The following SOS1 variants were observed in gnomAD, a reference collection of about 807,000 sequenced individuals.
SOS1 encodes the protein son of sevenless homolog 1.
Under a neutral mutation model 157.6 loss-of-function variants are expected in SOS1, and 25 were observed. The ratio of observed to expected loss-of-function variants is 0.16; its 90% CI spans 0.12 to 0.22. The LOEUF (loss-of-function observed/expected upper bound fraction) is 0.22. Ranked by LOEUF, SOS1 falls within the 10% of genes least tolerant of loss-of-function variation. SOS1 has a pLI of 1.00. For synonymous variants in SOS1, 528 were observed against 534.0 expected (o/e 0.99, Z 0.16); for missense variants, 1,237 against 1,599.1 (o/e 0.77, Z 3.86).
At chr2:39,107,107 G>T (rs1214587879) in intron 1 of SOS1, among the ~76,000 whole-genome samples, 2 of 151,618 alleles carry the variant, frequency 1.3e-5, no homozygotes, top group African/African-American at 4.9e-5. Flanking sequence ...AAATACAGGG[G>T]TTTTTTGGGA....
At chr2:39,053,840 T>C (rs1029674232) in intron 5 of SOS1, among the ~76,000 whole-genome samples, 6 of 152,188 alleles carry the variant, frequency 3.9e-5, no homozygotes, top group African/African-American at 9.7e-5. Context: ...ACTGCTGTCA[T>C]ACTTCTAATA....
At chr2:39,118,534 AG>A (rs1423917448) in intron 1 of SOS1, among the ~76,000 whole-genome samples, 3 of 152,220 alleles carry the variant, frequency 2.0e-5, no homozygotes, top group Admixed American at 1.3e-4. Context: ...CTACTGCAAA[AG>A]TATCTCTAAC....
chr2:39,120,520 C>T lies in SOS1; in HGVS notation c.-98G>A. On this transcript the variant is annotated 5_prime_UTR_variant, in exon 1 of 23. Coordinates refer to ENST00000402219, the MANE Select transcript of SOS1 (RefSeq NM_005633.4). ...CTCGCAGCGCGGAACAGGGCCGCGG[C>T]CCCACCGGACGGCCCGGCCCCCTCC... 8.6e-7 allele frequency: 1 copy of T among 1,156,756 alleles called. No individual in the cohort carries two copies. Among genetic ancestry groups the T allele is most frequent in the Non-Finnish European group, 1.1e-6 (1 of 940,492 alleles). 71.7% of individuals were successfully genotyped at this position (1,156,756 alleles called of 1,614,324 possible).
intron 1 of SOS1, among the ~76,000 whole-genome samples, chr2:39,119,339 AC>A (rs905082698): frequency 1.3e-5 from 2 of 152,212 alleles, no homozygotes; most frequent in Non-Finnish European, 2.9e-5. Flanking sequence ...AGCAAGAGGG[AC>A]CGGAGGAGAA....
At position 38,997,406 on chromosome 2, in the gene SOS1, G is replaced by A. The variant is rs1668929693; in HGVS notation, c.2811C>T (p.Ile937=). The change falls in exon 18 of 23, where the codon ATC becomes ATT. Residue 937 remains isoleucine, a synonymous_variant. Transcript: ENST00000402219. ...VPFFGIYLTN[I]LKTEEGNPEV... The stretch of plus-strand genomic sequence containing the variant: ...CAGGGTTGCCTTCTTCTGTTTTCAA[G>A]ATATTAGTGAGATAAATTCCTAGAA... The A allele has an allele frequency of 6.2e-7, 1 of 1,606,422 alleles. No individual in the cohort carries two copies. The highest frequency in any genetic ancestry group is 1.3e-5 in the African/African-American group (1 of 74,846).
intron 1 of SOS1, among the ~76,000 whole-genome samples, chr2:39,117,828 C>T (rs1263725417): frequency 6.6e-6 from 1 of 152,118 alleles, no homozygotes; most frequent in Non-Finnish European, 1.5e-5. Flanking sequence ...TGAGTGTGCA[C>T]AGTAATACAA....
intron 19 of SOS1, among the ~76,000 whole-genome samples, chr2:38,996,439 T>C (rs1412082794): frequency 6.6e-6 from 1 of 152,142 alleles, no homozygotes; most frequent in Non-Finnish European, 1.5e-5. Flanking sequence ...AATCAGTGAG[T>C]TGGTGATTCT....
chr2:39,022,902 T>A lies in SOS1; in HGVS notation c.1526A>T (p.Glu509Val), dbSNP rs1572830420. 6.2e-7 allele frequency: 1 copy of A among 1,611,250 alleles called. No individual in the cohort carries two copies. Among genetic ancestry groups the A allele is most frequent in the East Asian group, 2.2e-5 (1 of 44,840 alleles). The change falls in exon 10 of 23, where the codon GAA (glutamate) becomes GTA (valine). Residue 509 changes from glutamate to valine, a missense_variant. Physicochemically the swap from Glu to Val is moderately radical, Grantham distance 121 (BLOSUM62 -2). Coordinates refer to ENST00000402219, the MANE Select transcript of SOS1 (RefSeq NM_005633.4). ...AATTATTTCAAAAGCATGCTTGTAT[T>A]CATTGGTGTCATCTTTATCATTAAT... The part of the protein sequence containing the change: ...VQINDKDDTN[E>V]YKHAFEIILK...
chr2:39,067,717 C>T lies in SOS1; in HGVS notation c.124G>A (p.Asp42Asn), dbSNP rs1402273679. 6.2e-7 allele frequency: 1 copy of T among 1,612,148 alleles called. No homozygotes were observed. The highest frequency in any genetic ancestry group is 2.2e-5 in the East Asian group (1 of 44,850). ...TCTTCAACATACTGAAGAGCATCAT[C>T]ATTAGACTCGAGAGTAGGATGAACT... ...GQVHPTLESN[D>N]DALQYVEELI... The change falls in exon 2 of 23, where the codon GAT becomes AAT. Residue 42 changes from aspartate (D) to asparagine (N), a missense_variant. Asp to Asn is a conservative substitution (Grantham distance 23, BLOSUM62 1). Transcript: ENST00000402219.
Position 38,996,931 on chromosome 2 carries a change from G to A in SOS1, c.3072C>T (p.Leu1024=), listed in dbSNP as rs558386297. Residue 1024 remains leucine, a synonymous_variant, in exon 19 of 23, where the codon CTC becomes CTT. Transcript: ENST00000402219. The part of the protein sequence containing the change: ...LEIEPRNPKP[L]PRFPKKYSYP... ...ATATACAAATGCTTACAAATCTTGG[G>A]AGAGGCTTAGGGTTTCGTGGTTCTA... The A allele has an allele frequency of 6.9e-5, 105 of 1,511,218 alleles. No homozygotes were observed. The South Asian group carries it at 1.1e-3, about 16-fold the overall frequency. The allele number at this position is 1,511,218 out of a possible 1,614,324, so 93.6% of individuals were successfully genotyped here.
At chr2:39,045,883 A>T (rs903718454) in intron 6 of SOS1, among the ~76,000 whole-genome samples, 3 of 147,180 alleles carry the variant, frequency 2.0e-5, no homozygotes, top group Admixed American at 6.8e-5. Context: ...TAATTTTTGT[A>T]TTTTTTTTTT....
chr2:39,110,124 T>A (rs1673368713), intron 1 of SOS1, among the ~76,000 whole-genome samples: 1 of 150,694 alleles, frequency 6.6e-6, no homozygotes, highest in Admixed American at 6.6e-5. Flanking sequence ...CCATGGGGGA[T>A]TGGTTCCAGG....
In SOS1 at chr2:39,046,495, C is replaced by CTTTTTTTT. The variant is rs201639147; in HGVS notation, c.864+4641_864+4648dup. On this transcript the variant is annotated intron_variant, in intron 6 of 22. Transcript: ENST00000402219. ...TTATTTATTTATTTTGAGACAGTGT[C>CTTTTTTTT]TTTTTTTTTTTTTTTTTTTTTTTTT... is the stretch of plus-strand genomic sequence containing the variant. Among the ~76,000 whole-genome samples, 28 of 124,400 alleles carry CTTTTTTTT rather than the reference C, an allele frequency of 2.3e-4. 2 individuals are homozygous for CTTTTTTTT. The highest frequency in any genetic ancestry group is 8.3e-4 in the African/African-American group (25 of 30,276). The allele number at this position is 124,400 out of a possible 152,430, so 81.6% of individuals were successfully genotyped here.
chr2:38,995,460 G>C lies in SOS1; in HGVS notation c.3082-73C>G. ...AAGGAAAGTTTTTCTATATGTGCCTGGTAAAATTCAGCTAATATACAGGAA... is the reference window on the plus strand; with the variant it reads ...AAGGAAAGTTTTTCTATATGTGCCTCGTAAAATTCAGCTAATATACAGGAA... On this transcript the variant is annotated intron_variant, in intron 19 of 22. Transcript: ENST00000402219. 3 of 1,203,880 alleles carry C rather than the reference G, an allele frequency of 2.5e-6. No homozygotes were observed. The South Asian group carries it at 3.7e-5, about 15-fold the overall frequency. 74.6% of individuals were successfully genotyped at this position (1,203,880 alleles called of 1,614,324 possible).
Position 39,120,489 on chromosome 2 carries a change from G to T in SOS1, c.-67C>A. 7.1e-7 allele frequency: 1 copy of T among 1,409,318 alleles called. No individual in the cohort carries two copies. The allele number at this position is 1,409,318 out of a possible 1,614,324, so 87.3% of individuals were successfully genotyped here. A position where few individuals can be genotyped will look rare whatever the true frequency, so the allele number is the denominator to read the frequency against. On this transcript the variant is annotated 5_prime_UTR_variant, in exon 1 of 23. Coordinates refer to ENST00000402219, the MANE Select transcript of SOS1 (RefSeq NM_005633.4). ...CGGCCGGGCCAGGGAGCCGCGAGAG[G>T]GCGAGCTCGCAGCGCGGAACAGGGC...
At chr2:38,992,939 G>C (rs1334251542) in intron 20 of SOS1, 2 of 151,984 alleles carry the variant, frequency 1.3e-5, no homozygotes, top group Non-Finnish European at 2.9e-5. Context: ...CTTACTATGT[G>C]TATCACATGA....
chr2:39,014,883 A>G (rs557767697), intron 10 of SOS1, 37 bp from the exon 11 acceptor site: 14 of 1,001,132 alleles, frequency 1.4e-5, no homozygotes, highest in Admixed American at 8.6e-5. Flanking sequence ...ATTAAACTCT[A>G]TGATTCAAAA....
rs59580960 is a variant in SOS1 at position 39,044,864 on chromosome 2, G to GCA, written c.864+6278_864+6279dup. 2.2e-3 allele frequency among the ~76,000 whole-genome samples: 322 copies of GCA among 147,754 alleles called. 2 individuals are homozygous for GCA. The highest frequency in any genetic ancestry group is 6.3e-3 in the East Asian group (31 of 4,890). On this transcript the variant is annotated intron_variant, in intron 6 of 22. Coordinates refer to ENST00000402219, the MANE Select transcript of SOS1 (RefSeq NM_005633.4). Reference sequence around the variant, plus strand: ...TGTACACACACATGCGCGCGCGCGCGCACACACACACACACACTCTGTTGT... The same window carrying GCA: ...TGTACACACACATGCGCGCGCGCGCGCACACACACACACACACACTCTGTTGT...
At chr2:39,089,030 G>A (rs1221718433) in intron 1 of SOS1, among the ~76,000 whole-genome samples, 1 of 152,082 alleles carries the variant, frequency 6.6e-6, no homozygotes, top group East Asian at 1.9e-4. Flanking sequence ...GGTATGAAGT[G>A]GTATCTCACT....
Sources: gnomAD v4.1 joint callset for allele counts (sites outside exome capture counted in the v4.1 genomes callset) on GRCh38, gnomAD v4.1.1 for gene constraint, MANE v1.5 for transcripts, NCBI Gene and HGNC (gene_info 2026-07-23, HGNC 2026-07-21) for gene names.